Variants in CIMIP6 observed in about 807,000 individuals in gnomAD.
The protein encoded by CIMIP6 is uncharacterized protein C2orf73.
the CIMIP6 span, among the ~76,000 whole-genome samples, chr2:54,364,478 C>T: frequency 6.6e-6 from 1 of 152,110 alleles, no homozygotes; most frequent in Non-Finnish European, 1.5e-5. Flanking sequence ...AATCTATTAT[C>T]TTATGTGACT....
the CIMIP6 span, among the ~76,000 whole-genome samples, chr2:54,376,079 A>C: frequency 6.6e-6 from 1 of 152,168 alleles, no homozygotes; most frequent in Non-Finnish European, 1.5e-5. Flanking sequence ...TCTGTTGCCA[A>C]GTCTGGAATG....
chr2:54,365,727 T>A, the CIMIP6 span, among the ~76,000 whole-genome samples: 1 of 152,026 alleles, frequency 6.6e-6, no homozygotes, highest in Non-Finnish European at 1.5e-5. Context: ...TCTTTATAAA[T>A]TAAACAAAAA....
the CIMIP6 span, among the ~76,000 whole-genome samples, chr2:54,370,396 T>A: frequency 1.3e-5 from 2 of 152,006 alleles, no homozygotes; most frequent in Non-Finnish European, 2.9e-5. Flanking sequence ...TCATAAAAAG[T>A]ACCTTGCAAA....
At chr2:54,331,860 G>A in the CIMIP6 span, among the ~76,000 whole-genome samples, 2 of 152,146 alleles carry the variant, frequency 1.3e-5, no homozygotes, top group Non-Finnish European at 2.9e-5. Context: ...TTTGTCCCTG[G>A]AACAATGGTT....
the CIMIP6 span, among the ~76,000 whole-genome samples, chr2:54,359,597 C>CAATAATAAT: frequency 1.0e-4 from 15 of 149,064 alleles, no homozygotes; most frequent in African/African-American, 3.5e-4. Flanking sequence ...TTTCTAATAA[C>CAATAATAAT]AATAATAATA....
At chr2:54,341,644 A>G in the CIMIP6 span, among the ~76,000 whole-genome samples, 1 of 152,194 alleles carries the variant, frequency 6.6e-6, no homozygotes, top group Non-Finnish European at 1.5e-5. Context: ...GGTGTGCACA[A>G]AGAGGTTGGG....
chr2:54,340,881 C>A, the CIMIP6 span, among the ~76,000 whole-genome samples: 178 of 152,212 alleles, frequency 1.2e-3, 1 homozygote, highest in African/African-American at 4.2e-3. Context: ...GGGAGGATCA[C>A]CTGAGTCCAG....
the CIMIP6 span, among the ~76,000 whole-genome samples, chr2:54,377,623 G>A: frequency 6.6e-6 from 1 of 152,072 alleles, no homozygotes; most frequent in Non-Finnish European, 1.5e-5. Context: ...ATTTTTCCCA[G>A]GAAAATCACA....
the CIMIP6 span, among the ~76,000 whole-genome samples, chr2:54,336,510 A>G: frequency 6.6e-6 from 1 of 152,236 alleles, no homozygotes; most frequent in African/African-American, 2.4e-5. Flanking sequence ...ATGTAAGGAT[A>G]GTAATTGTCC....
At chr2:54,373,881 G>A in the CIMIP6 span, among the ~76,000 whole-genome samples, 1 of 152,056 alleles carries the variant, frequency 6.6e-6, no homozygotes, top group Admixed American at 6.5e-5. Context: ...CATCATCCTT[G>A]GTTTATGAAT....
the CIMIP6 span, among the ~76,000 whole-genome samples, chr2:54,365,341 A>T: frequency 6.6e-6 from 1 of 152,172 alleles, no homozygotes. Flanking sequence ...CCCCATAGTG[A>T]CAATTAATAA....
the CIMIP6 span, among the ~76,000 whole-genome samples, chr2:54,371,682 C>T: frequency 6.6e-6 from 1 of 152,196 alleles, no homozygotes; most frequent in Non-Finnish European, 1.5e-5. Flanking sequence ...AAGGGCAGCC[C>T]AGGCGGCATC....
the CIMIP6 span, among the ~76,000 whole-genome samples, chr2:54,372,072 C>T: frequency 2.3e-3 from 348 of 152,310 alleles, no homozygotes; most frequent in Non-Finnish European, 4.0e-3. Flanking sequence ...TTTTAGCTAG[C>T]ATTCTCAGCA....
the CIMIP6 span, among the ~76,000 whole-genome samples, chr2:54,336,181 G>A: frequency 2.6e-5 from 4 of 152,096 alleles, no homozygotes; most frequent in African/African-American, 9.7e-5. Context: ...TTTTGGCAAA[G>A]GTGTAGTCAT....
At chr2:54,346,182 T>C in the CIMIP6 span, among the ~76,000 whole-genome samples, 1 of 152,180 alleles carries the variant, frequency 6.6e-6, no homozygotes, top group Admixed American at 6.5e-5. Flanking sequence ...GCTCAATCTA[T>C]AGACACGAGT....
chr2:54,339,500 A>G, the CIMIP6 span, among the ~76,000 whole-genome samples: 4 of 74,934 alleles, frequency 5.3e-5, 2 homozygotes, highest in African/African-American at 1.8e-4. Flanking sequence ...CACAGAACAC[A>G]ATTTTGGAAT....
chr2:54,349,849 CTTT>C, the CIMIP6 span, among the ~76,000 whole-genome samples: 8 of 137,912 alleles, frequency 5.8e-5, no homozygotes, highest in East Asian at 2.1e-4. Context: ...AAAAAGAAAT[CTTT>C]TTTTTTTTTT....
At chr2:54,356,249 A>G in the CIMIP6 span, among the ~76,000 whole-genome samples, 2 of 152,102 alleles carry the variant, frequency 1.3e-5, no homozygotes, top group African/African-American at 4.8e-5. Flanking sequence ...GAAATGCCCA[A>G]GGGGGCAACA....
the CIMIP6 span, among the ~76,000 whole-genome samples, chr2:54,356,394 T>C: frequency 2.0e-5 from 3 of 152,200 alleles, no homozygotes; most frequent in Non-Finnish European, 2.9e-5. Flanking sequence ...CCCAAGGCAA[T>C]GTGAGGGAAA....
Sources: gnomAD v4.1 joint callset for allele counts (sites outside exome capture counted in the v4.1 genomes callset) on GRCh38, gnomAD v4.1.1 for gene constraint, MANE v1.5 for transcripts, NCBI Gene and HGNC (gene_info 2026-07-23, HGNC 2026-07-21) for gene names.